RIT2: variants seen among roughly 807,000 people sequenced by gnomAD.
RIT2 encodes the protein GTP-binding protein Rit2.
Under a neutral mutation model 23.7 loss-of-function variants are expected in RIT2, and 24 were observed. The observed-to-expected ratio is 1.01, with a 90% CI of 0.73 to 1.43. The LOEUF (loss-of-function observed/expected upper bound fraction) is 1.43. Ranked by LOEUF, RIT2 falls within the 40% of genes most tolerant of loss-of-function variation. RIT2 has a pLI of 0.00. For synonymous variants in RIT2, 107 were observed against 91.1 expected (o/e 1.17, Z -0.99); for missense variants, 236 against 266.9 (o/e 0.88, Z 0.81).
intron 3 of RIT2, among the ~76,000 whole-genome samples, chr18:42,936,511 T>G (rs1270596497): frequency 3.9e-5 from 6 of 152,170 alleles, no homozygotes; most frequent in Non-Finnish European, 7.3e-5. Context: ...CTGAGTAATG[T>G]TGGACTGCTG....
intron 1 of RIT2, among the ~76,000 whole-genome samples, chr18:43,055,878 A>G (rs1598764223): frequency 6.6e-6 from 1 of 152,098 alleles, no homozygotes; most frequent in Non-Finnish European, 1.5e-5. Context: ...AAGCTAAATG[A>G]GCCAGGAAAG....
intron 4 of RIT2, among the ~76,000 whole-genome samples, chr18:42,902,601 A>T (rs1460545936): frequency 3.5e-5 from 1 of 28,580 alleles, no homozygotes; most frequent in African/African-American, 1.1e-4. Flanking sequence ...TTATTGGAAG[A>T]TGGGAATGGA....
At chr18:42,832,138 T>A (rs1906475874) in intron 4 of RIT2, among the ~76,000 whole-genome samples, 1 of 151,970 alleles carries the variant, frequency 6.6e-6, no homozygotes, top group African/African-American at 2.4e-5. Flanking sequence ...AGGCTGAAAA[T>A]GGGAAACAAA....
chr18:42,986,093 G>A lies in RIT2; in HGVS notation c.161-11946C>T, dbSNP rs4580280. 3.2e-3 allele frequency among the ~76,000 whole-genome samples: 476 copies of A among 150,284 alleles called. 12 individuals carry two copies. The highest frequency in any genetic ancestry group is 0.026 in the Admixed American group (394 of 15,084). On this transcript the variant is annotated intron_variant, in intron 2 of 4. Transcript: ENST00000326695. ...TGGCTCTCATTGCCTAGGCTGGAGTGTAGTGGCATGATCTCGGCTCACTGC... is the reference window on the plus strand; with the variant it reads ...TGGCTCTCATTGCCTAGGCTGGAGTATAGTGGCATGATCTCGGCTCACTGC...
intron 2 of RIT2, among the ~76,000 whole-genome samples, chr18:43,000,744 T>C (rs1911085893): frequency 6.6e-6 from 1 of 152,026 alleles, no homozygotes; most frequent in African/African-American, 2.4e-5. Context: ...CCATGTAAGA[T>C]GTGCCTTTGC....
chr18:43,067,432 G>T (rs73951801), intron 1 of RIT2, among the ~76,000 whole-genome samples: 2,437 of 152,174 alleles, frequency 0.016, 67 homozygotes, highest in African/African-American at 0.056. Context: ...TTCTTATGGT[G>T]GTCAGGGCAC....
chr18:42,776,498 A>G (rs1436608806), intron 4 of RIT2, among the ~76,000 whole-genome samples: 1 of 152,236 alleles, frequency 6.6e-6, no homozygotes, highest in Non-Finnish European at 1.5e-5. Context: ...ATACCAAAAA[A>G]GTAAAAAATG....
At chr18:42,754,769 G>T (rs1427705801) in intron 4 of RIT2, among the ~76,000 whole-genome samples, 1 of 152,134 alleles carries the variant, frequency 6.6e-6, no homozygotes, top group Non-Finnish European at 1.5e-5. Context: ...ATTTAATTTG[G>T]ATGATGATGA....
intron 2 of RIT2, among the ~76,000 whole-genome samples, chr18:43,018,473 A>T (rs1911523520): frequency 6.6e-6 from 1 of 152,072 alleles, no homozygotes; most frequent in African/African-American, 2.4e-5. Flanking sequence ...AAAACAAGTT[A>T]AATTAAATGT....
chr18:43,073,759 A>C (rs917711274), intron 1 of RIT2, among the ~76,000 whole-genome samples: 2 of 152,196 alleles, frequency 1.3e-5, no homozygotes, highest in Non-Finnish European at 2.9e-5. Context: ...TTGACTGGAC[A>C]TACCTGGTTT....
At chr18:43,063,424 C>T (rs1204445527) in intron 1 of RIT2, among the ~76,000 whole-genome samples, 1 of 152,086 alleles carries the variant, frequency 6.6e-6, no homozygotes, top group African/African-American at 2.4e-5. Context: ...GGAATATAAA[C>T]CCAATAACTT....
intron 4 of RIT2, among the ~76,000 whole-genome samples, chr18:42,847,703 G>A (rs770377928): frequency 1.3e-5 from 2 of 151,812 alleles, no homozygotes; most frequent in Non-Finnish European, 2.9e-5. Flanking sequence ...GGAATTATTT[G>A]TAGCTATGTT....
At chr18:42,751,769 C>T (rs77187117) in intron 4 of RIT2, among the ~76,000 whole-genome samples, 1 of 151,838 alleles carries the variant, frequency 6.6e-6, no homozygotes, top group Non-Finnish European at 1.5e-5. Flanking sequence ...TTAATTTTCA[C>T]ATTTGCTATA....
intron 4 of RIT2, among the ~76,000 whole-genome samples, chr18:42,771,278 C>A (rs1196120775): frequency 6.6e-6 from 1 of 152,126 alleles, no homozygotes; most frequent in African/African-American, 2.4e-5. Flanking sequence ...ACTGCGATGT[C>A]ATTTTCTCTT....
intron 1 of RIT2, among the ~76,000 whole-genome samples, chr18:43,111,881 T>A (rs916524947): frequency 3.3e-5 from 5 of 152,130 alleles, no homozygotes; most frequent in Non-Finnish European, 7.4e-5. Flanking sequence ...TCTCTTCACC[T>A]CTCAATGCCT....
At chr18:42,837,370 T>C (rs143576251) in intron 4 of RIT2, among the ~76,000 whole-genome samples, 1 of 151,828 alleles carries the variant, frequency 6.6e-6, no homozygotes, top group Non-Finnish European at 1.5e-5. Context: ...GGTTTCATCT[T>C]GTTAGCCAGG....
chr18:42,850,548 G>C (rs867934954), intron 4 of RIT2, among the ~76,000 whole-genome samples: 1 of 152,122 alleles, frequency 6.6e-6, no homozygotes. Flanking sequence ...GATTTCAAAG[G>C]CTTGGGGAAG....
chr18:42,833,756 T>C (rs1906523986), intron 4 of RIT2, among the ~76,000 whole-genome samples: 1 of 152,132 alleles, frequency 6.6e-6, no homozygotes, highest in South Asian at 2.1e-4. Context: ...TTGGACAATA[T>C]AATATAACAA....
intron 4 of RIT2, among the ~76,000 whole-genome samples, chr18:42,770,301 C>T (rs556057195): frequency 1.4e-4 from 21 of 152,298 alleles, no homozygotes; most frequent in African/African-American, 2.4e-4. Context: ...AAAGTCACAA[C>T]GACCTAGAGG....
Sources: gnomAD v4.1 joint callset for allele counts (sites outside exome capture counted in the v4.1 genomes callset) on GRCh38, gnomAD v4.1.1 for gene constraint, MANE v1.5 for transcripts, NCBI Gene and HGNC (gene_info 2026-07-23, HGNC 2026-07-21) for gene names.